The following SMARCA1 variants were observed in gnomAD, a reference collection of about 807,000 sequenced individuals.
The protein encoded by SMARCA1 is SNF2 related chromatin remodeling ATPase 1.
SMARCA1 carries 17 observed loss-of-function variants against 93.6 expected under a neutral mutation model. That is an observed-to-expected ratio of 0.18 (90% CI 0.12 to 0.27). The LOEUF (loss-of-function observed/expected upper bound fraction) is 0.27, where lower values mean the gene tolerates loss of function less well. Ranked by LOEUF, SMARCA1 falls within the 10% of genes least tolerant of loss-of-function variation. The pLI is 1.00. For missense variants in SMARCA1, 630 were observed against 819.0 expected, an observed-to-expected ratio of 0.77 and a Z score of 2.82; for synonymous variants, 271 against 271.4, an observed-to-expected ratio of 1.00 and a Z score of 0.01.
At chrX:129,458,245 T>C (rs192374998) in intron 23 of SMARCA1, among the ~76,000 whole-genome samples, 3 of 112,580 alleles carry the variant, frequency 2.7e-5, no homozygotes, top group Non-Finnish European at 5.6e-5. Flanking sequence ...AATATCCTTC[T>C]TCTTTTGATG....
chrX:129,446,690 A>G lies in SMARCA1; in HGVS notation c.*472T>C, dbSNP rs1022300034. On this transcript the variant is annotated 3_prime_UTR_variant, in exon 25 of 25. Transcript: ENST00000371121. The stretch of plus-strand genomic sequence containing the variant: ...CAAAGAAACAATTATTATGCTAATC[A>G]CAGTATGCAGTAACACAAACAAGCC... 2.7e-5 allele frequency: 3 copies of G among 112,889 alleles called. No individual in the cohort carries two copies. The highest frequency in any genetic ancestry group is 9.7e-5 in the African/African-American group (3 of 30,862). 9.3% of individuals were successfully genotyped at this position (112,889 alleles called of 1,213,427 possible). A position where few individuals can be genotyped will look rare whatever the true frequency, so the allele number is the denominator to read the frequency against.
chrX:129,497,087 A>C (rs1934366766), intron 11 of SMARCA1, among the ~76,000 whole-genome samples: 1 of 111,006 alleles, frequency 9.0e-6, no homozygotes, highest in Non-Finnish European at 1.9e-5. Context: ...GCATTTTTTA[A>C]GGTCTTCAAA....
intron 14 of SMARCA1, 149 bp from the exon 15 acceptor site, chrX:129,490,341 A>G (rs1441125845): frequency 2.8e-6 from 1 of 359,810 alleles, no homozygotes; most frequent in African/African-American, 2.6e-5. Flanking sequence ...GAGAATATCT[A>G]AAGACCACTG....
rs1197002199 is a variant in SMARCA1 at position 129,496,784 on chromosome X, C to T, written c.1592G>A (p.Arg531Gln). Reference protein sequence around the residue: ...YCMWRGYEYCRLDGQTPHEER... With the variant: ...YCMWRGYEYCQLDGQTPHEER... Reference sequence around the variant, plus strand: ...TTCATGCGGGGTTTGTCCATCCAGTCGACAATACTCATAACCACGCCACAT... The same window carrying T: ...TTCATGCGGGGTTTGTCCATCCAGTTGACAATACTCATAACCACGCCACAT... The change falls in exon 12 of 25, where the codon CGA becomes CAA. Residue 531 changes from arginine (R) to glutamine (Q), a missense_variant. By Grantham distance (43) the Arg-to-Gln change is conservative (BLOSUM62 1). This residue lies in a region of SMARCA1 where 382 missense variants were observed against 537.9 expected (regional missense o/e 0.71). Transcript: ENST00000371121. 4 of 1,204,507 alleles carry T rather than the reference C, an allele frequency of 3.3e-6. No individual in the cohort carries two copies. The highest frequency in any genetic ancestry group is 4.5e-6 in the Non-Finnish European group (4 of 889,569).
chrX:129,510,547 G>A (rs1032817195), intron 6 of SMARCA1, among the ~76,000 whole-genome samples: 5 of 111,464 alleles, frequency 4.5e-5, no homozygotes, highest in East Asian at 2.8e-4. Flanking sequence ...CAGCCTGGGC[G>A]ACAGAGCGAG....
At chrX:129,489,825 C>T in intron 15 of SMARCA1, among the ~76,000 whole-genome samples, 1 of 112,205 alleles carries the variant, frequency 8.9e-6, no homozygotes, top group Non-Finnish European at 1.9e-5. Context: ...TCCCAAAGTG[C>T]TGGGATTACA....
At chrX:129,502,465 A>G (rs1380272451) in intron 9 of SMARCA1, among the ~76,000 whole-genome samples, 1 of 111,809 alleles carries the variant, frequency 8.9e-6, no homozygotes, top group Non-Finnish European at 1.9e-5. Context: ...GCAGCTTCAA[A>G]GCAATAGCCA....
chrX:129,515,215 C>G (rs1400476534), intron 5 of SMARCA1, among the ~76,000 whole-genome samples: 1 of 110,660 alleles, frequency 9.0e-6, no homozygotes, highest in Non-Finnish European at 1.9e-5. Context: ...AGTCTGTGTT[C>G]TAGCGGTGAC....
rs761656942 is a variant in SMARCA1 at position 129,488,985 on chromosome X, C to T, written c.2049G>A (p.Glu683=). 1.5e-5 allele frequency: 18 copies of T among 1,185,089 alleles called. No homozygotes were observed. The East Asian group carries it at 4.8e-4, about 31-fold the overall frequency. Reference sequence around the variant, plus strand: ...TAGTTGTAATGTCTTCATCTGTCAACTCACTCTCTTTAGAAGCAAAAACAT... The same window carrying T: ...TAGTTGTAATGTCTTCATCTGTCAATTCACTCTCTTTAGAAGCAAAAACAT... ...ATHVFASKES[E]LTDEDITTIL... is the part of the protein sequence containing the mutation. The change falls in exon 16 of 25, where the codon GAG becomes GAA. Residue 683 remains glutamate, a synonymous_variant. Coordinates refer to ENST00000371121, the MANE Select transcript of SMARCA1 (RefSeq NM_001282874.2).
chrX:129,488,818 T>G, intron 16 of SMARCA1, 119 bp downstream of exon 16: 1 of 459,538 alleles, frequency 2.2e-6, no homozygotes. Context: ...GGAGAGAATA[T>G]GAGCTACCTG....
At position 129,511,855 on chromosome X, in the gene SMARCA1, T is replaced by C. The variant is rs1935029366; in HGVS notation, c.759A>G (p.Arg253=). The part of the protein sequence containing the change: ...TLHNWMNEFK[R]WVPSLRVICF... ...AAATGACACGGAGAGATGGGACCCATCGTTTAAATTCATTCATCCAGTTGT... is the reference window on the plus strand; with the variant it reads ...AAATGACACGGAGAGATGGGACCCACCGTTTAAATTCATTCATCCAGTTGT... The change falls in exon 6 of 25, where the codon CGA becomes CGG. Residue 253 remains arginine (R), a synonymous_variant. Coordinates refer to ENST00000371121, the MANE Select transcript of SMARCA1 (RefSeq NM_001282874.2). 2 of 1,204,598 alleles carry C rather than the reference T, an allele frequency of 1.7e-6. No individual in the cohort carries two copies. Among genetic ancestry groups the C allele is most frequent in the Non-Finnish European group, 2.2e-6 (2 of 891,230 alleles).
At chrX:129,515,058 TA>T (rs1050482600) in intron 5 of SMARCA1, among the ~76,000 whole-genome samples, 2 of 108,494 alleles carry the variant, frequency 1.8e-5, no homozygotes, top group Non-Finnish European at 3.8e-5. Flanking sequence ...CAAAAAATTT[TA>T]AAAAAAAAGT....
intron 9 of SMARCA1, among the ~76,000 whole-genome samples, chrX:129,501,977 C>T (rs1190005807): frequency 1.8e-5 from 2 of 111,653 alleles, no homozygotes; most frequent in Non-Finnish European, 3.8e-5. Context: ...TGTGGTGGTA[C>T]ATGTGTAGAA....
At chrX:129,497,278 A>AAG (rs1356403358) in intron 11 of SMARCA1, among the ~76,000 whole-genome samples, 1 of 110,890 alleles carries the variant, frequency 9.0e-6, no homozygotes, top group East Asian at 2.8e-4. Flanking sequence ...CCTAACATGT[A>AAG]AGAGTGACAT....
In SMARCA1 at chrX:129,493,064, T is replaced by C. The variant is rs1400689138; in HGVS notation, c.1638A>G (p.Leu546=). 2.1e-6 allele frequency: 1 copy of C among 487,433 alleles called. No individual in the cohort carries two copies. The allele number at this position is 487,433 out of a possible 1,213,427, so 40.2% of individuals were successfully genotyped here. The change falls in exon 13 of 25, where the codon CTA becomes CTG. Residue 546 remains leucine (L), a synonymous_variant. Coordinates refer to ENST00000371121, the MANE Select transcript of SMARCA1 (RefSeq NM_001282874.2). ...TPHEEREDKF[L]EVEFLGQREA... ...CCCTTTGACCCAGAAATTCCACTTCTAGGAATTTATCCTAAGGAAATAATC... is the reference window on the plus strand; with the variant it reads ...CCCTTTGACCCAGAAATTCCACTTCCAGGAATTTATCCTAAGGAAATAATC...
intron 21 of SMARCA1, among the ~76,000 whole-genome samples, chrX:129,467,831 G>A (rs1395843260): frequency 9.0e-6 from 1 of 111,180 alleles, no homozygotes; most frequent in Non-Finnish European, 1.9e-5. Flanking sequence ...TTTGGGGCAG[G>A]GGCTATCATA....
intron 17 of SMARCA1, among the ~76,000 whole-genome samples, 179 bp downstream of exon 17, chrX:129,486,839 G>C (rs1334902456): frequency 4.5e-5 from 5 of 110,978 alleles, no homozygotes; most frequent in Non-Finnish European, 9.4e-5. Flanking sequence ...TGATGATGAC[G>C]ACGACGACGA....
chrX:129,518,039 T>G (rs1935264375), intron 2 of SMARCA1, among the ~76,000 whole-genome samples: 1 of 111,265 alleles, frequency 9.0e-6, no homozygotes, highest in Non-Finnish European at 1.9e-5. Context: ...GTATTACCAC[T>G]GATATTTTCA....
At position 129,523,469 on chromosome X, in the gene SMARCA1, G is replaced by A. The variant is rs1306742457; in HGVS notation, c.-99C>T. 4 of 673,330 alleles carry A rather than the reference G, an allele frequency of 5.9e-6. No homozygotes were observed. Among genetic ancestry groups the A allele is most frequent in the Non-Finnish European group, 8.6e-6 (4 of 467,438 alleles). 55.5% of individuals were successfully genotyped at this position (673,330 alleles called of 1,213,427 possible). A position where few individuals can be genotyped will look rare whatever the true frequency, so the allele number is the denominator to read the frequency against. On this transcript the variant is annotated 5_prime_UTR_variant, in exon 1 of 25. Coordinates refer to ENST00000371121, the MANE Select transcript of SMARCA1 (RefSeq NM_001282874.2). Reference sequence around the variant, plus strand: ...GGAAAGAGCTAGATGGAGCAGGGGTGGGGAATCACTCCGCTTCCAACCCCT... The same window carrying A: ...GGAAAGAGCTAGATGGAGCAGGGGTAGGGAATCACTCCGCTTCCAACCCCT...
Sources: allele counts gnomAD v4.1 joint callset (sites outside exome capture counted in the v4.1 genomes callset), GRCh38; gene constraint gnomAD v4.1.1; regional missense constraint gnomAD v4.1.1; transcripts MANE v1.5; gene names NCBI Gene and HGNC (gene_info 2026-07-23, HGNC 2026-07-21).